CDKAL1: variants seen among roughly 807,000 people sequenced by gnomAD.
The protein encoded by CDKAL1 is threonylcarbamoyladenosine tRNA methylthiotransferase.
In CDKAL1, 32 loss-of-function variants were observed where a neutral mutation model predicts 68.2. That is an observed-to-expected ratio of 0.47 (90% CI 0.35 to 0.63). The LOEUF is 0.63. Ranked by LOEUF, CDKAL1 falls within the 30% of genes least tolerant of loss-of-function variation. The probability of loss-of-function intolerance (pLI) is 0.00; values close to 1 mark genes in which losing one functional copy is unlikely to be tolerated. For synonymous variants in CDKAL1, 234 were observed against 244.3 expected, an observed-to-expected ratio of 0.96 and a Z score of 0.39; for missense variants, 606 against 696.7, an observed-to-expected ratio of 0.87 and a Z score of 1.47.
At chr6:21,108,280 T>TAAAA (rs77019216) in intron 12 of CDKAL1, 121 bp from the exon 13 acceptor site, 77 of 456,068 alleles carry the variant, frequency 1.7e-4, no homozygotes, top group Non-Finnish European at 2.0e-4. Context: ...AAGAATCTCT[T>TAAAA]AAAAAAAAAA....
At chr6:21,051,022 G>C (rs1180005405) in intron 11 of CDKAL1, among the ~76,000 whole-genome samples, 2 of 152,068 alleles carry the variant, frequency 1.3e-5, no homozygotes, top group African/African-American at 4.8e-5. Flanking sequence ...TAGGATCAAG[G>C]TTTTTCTGTG....
At chr6:20,855,230 G>T (rs1311369298) in intron 9 of CDKAL1, among the ~76,000 whole-genome samples, 1 of 151,956 alleles carries the variant, frequency 6.6e-6, no homozygotes, top group Non-Finnish European at 1.5e-5. Context: ...ATCACCTGGG[G>T]TCAGGAGTTC....
intron 15 of CDKAL1, among the ~76,000 whole-genome samples, chr6:21,202,280 C>T (rs954769453): frequency 3.3e-5 from 5 of 152,078 alleles, no homozygotes; most frequent in African/African-American, 1.2e-4. Context: ...CCGTCTAACC[C>T]GTACTGGAAT....
intron 8 of CDKAL1, among the ~76,000 whole-genome samples, chr6:20,784,056 T>C (rs957440464): frequency 2.0e-5 from 3 of 151,812 alleles, no homozygotes; most frequent in Non-Finnish European, 4.4e-5. Flanking sequence ...CTACTAAAAA[T>C]ACAAAAATTA....
At chr6:21,177,706 A>G (rs903033515) in intron 13 of CDKAL1, among the ~76,000 whole-genome samples, 1 of 152,010 alleles carries the variant, frequency 6.6e-6, no homozygotes, top group African/African-American at 2.4e-5. Context: ...ATTATCTCCA[A>G]AATGGCTAAT....
intron 11 of CDKAL1, among the ~76,000 whole-genome samples, chr6:21,041,408 T>C (rs1314711472): frequency 6.6e-6 from 1 of 152,218 alleles, no homozygotes; most frequent in Non-Finnish European, 1.5e-5. Context: ...CTGTTGTATT[T>C]ATTGGAAATA....
At chr6:20,928,235 T>C (rs1212256347) in intron 9 of CDKAL1, among the ~76,000 whole-genome samples, 1 of 152,226 alleles carries the variant, frequency 6.6e-6, no homozygotes, top group South Asian at 2.1e-4. Flanking sequence ...GGCAGGCTGG[T>C]AATATCAGAG....
intron 11 of CDKAL1, among the ~76,000 whole-genome samples, chr6:21,023,414 C>G (rs1160415243): frequency 6.6e-6 from 1 of 152,106 alleles, no homozygotes; most frequent in Non-Finnish European, 1.5e-5. Flanking sequence ...CTCAGAGTCT[C>G]AGGAGACTTT....
rs74740107 is a variant in CDKAL1, at chr6:20,880,301, G to A, written c.742+34123G>A. Among the ~76,000 whole-genome samples the A allele has an allele frequency of 3.3e-5, 5 of 151,976 alleles. No homozygotes were observed. The East Asian group carries it at 7.8e-4, about 24-fold the overall frequency. Reference sequence around the variant, plus strand: ...AGATGGAATCTCTCTCTGTTTCCAGGCTGGAGTGCAGTGGCACAATCTTGG... The same window carrying A: ...AGATGGAATCTCTCTCTGTTTCCAGACTGGAGTGCAGTGGCACAATCTTGG... On this transcript the variant is annotated intron_variant, in intron 9 of 15. Transcript: ENST00000274695.
chr6:20,613,105 A>G (rs1008386317), intron 4 of CDKAL1, among the ~76,000 whole-genome samples: 1 of 151,474 alleles, frequency 6.6e-6, no homozygotes, highest in East Asian at 1.9e-4. Flanking sequence ...TACATACATA[A>G]TGTTTTTTGC....
At chr6:21,053,634 T>A (rs1438696908) in intron 11 of CDKAL1, among the ~76,000 whole-genome samples, 1 of 148,998 alleles carries the variant, frequency 6.7e-6, no homozygotes, top group Non-Finnish European at 1.5e-5. Context: ...TATCTGTTAT[T>A]TTTTTTTTCA....
At chr6:20,703,003 A>T (rs187748177) in intron 5 of CDKAL1, among the ~76,000 whole-genome samples, 1 of 152,346 alleles carries the variant, frequency 6.6e-6, no homozygotes, top group Admixed American at 6.5e-5. Flanking sequence ...AGAAGTGAAG[A>T]GCTGAGTTTC....
At chr6:20,897,122 TA>T (rs1240154804) in intron 9 of CDKAL1, among the ~76,000 whole-genome samples, 2 of 152,172 alleles carry the variant, frequency 1.3e-5, no homozygotes, top group Non-Finnish European at 2.9e-5. Flanking sequence ...TCTAGCTGTT[TA>T]TTCACATGAC....
chr6:20,989,259 C>T (rs1445191156), intron 10 of CDKAL1, among the ~76,000 whole-genome samples: 1 of 152,154 alleles, frequency 6.6e-6, no homozygotes. Context: ...GATGCTTACA[C>T]GTTTATAGAA....
At position 20,673,378 on chromosome 6, in the gene CDKAL1, C is replaced by A. The variant is rs566728580; in HGVS notation, c.371+24001C>A. Among the ~76,000 whole-genome samples, 8 of 152,306 alleles carry A rather than the reference C, an allele frequency of 5.3e-5. No homozygotes were observed. The East Asian group carries it at 1.5e-3, about 29-fold the overall frequency. Reference sequence around the variant, plus strand: ...TATTCTCCTGTATACTTTAAATCATCTCTGGATTACTTGTAATCCCTAATA... The same window carrying A: ...TATTCTCCTGTATACTTTAAATCATATCTGGATTACTTGTAATCCCTAATA... On this transcript the variant is annotated intron_variant, in intron 5 of 15. Transcript: ENST00000274695.
At chr6:20,566,872 A>G (rs1764481658) in intron 4 of CDKAL1, among the ~76,000 whole-genome samples, 1 of 152,188 alleles carries the variant, frequency 6.6e-6, no homozygotes, top group Admixed American at 6.5e-5. Context: ...AAAATTTGTT[A>G]AAATAAAAAT....
chr6:20,890,510 A>G (rs1290262855), intron 9 of CDKAL1, among the ~76,000 whole-genome samples: 2 of 152,222 alleles, frequency 1.3e-5, no homozygotes, highest in African/African-American at 4.8e-5. Flanking sequence ...ATAAAATCAC[A>G]TTTTTCTACT....
At chr6:20,849,489 A>G (rs1758888351) in intron 9 of CDKAL1, among the ~76,000 whole-genome samples, 1 of 150,440 alleles carries the variant, frequency 6.6e-6, no homozygotes, top group Non-Finnish European at 1.5e-5. Flanking sequence ...AGGCGGAGGC[A>G]GGAGAATGGC....
intron 5 of CDKAL1, among the ~76,000 whole-genome samples, chr6:20,665,022 G>A (rs1769462417): frequency 6.6e-6 from 1 of 152,074 alleles, no homozygotes; most frequent in Non-Finnish European, 1.5e-5. Flanking sequence ...GAGCACATAT[G>A]CAGCTGAGAC....
Sources: gnomAD v4.1 joint callset for allele counts (sites outside exome capture counted in the v4.1 genomes callset) on GRCh38, gnomAD v4.1.1 for gene constraint, MANE v1.5 for transcripts, NCBI Gene and HGNC (gene_info 2026-07-23, HGNC 2026-07-21) for gene names.